Variants in PLXNA2 observed in about 807,000 individuals in gnomAD.
PLXNA2 encodes the protein plexin-A2.
In PLXNA2, 91 loss-of-function variants were observed where a neutral mutation model predicts 193.5. That is an observed-to-expected ratio of 0.47 (90% CI 0.40 to 0.56). PLXNA2 has a LOEUF of 0.56. Ranked by LOEUF, PLXNA2 falls within the 20% of genes least tolerant of loss-of-function variation. The probability of loss-of-function intolerance (pLI) is 0.00; values close to 1 mark genes in which losing one functional copy is unlikely to be tolerated. For missense variants in PLXNA2, 1,995 were observed against 2,503.2 expected (o/e 0.80, Z 4.33); for synonymous variants, 997 against 1,027.3 (o/e 0.97, Z 0.56).
At chr1:208,100,596 G>A (rs1280475486) in intron 5 of PLXNA2, among the ~76,000 whole-genome samples, 1 of 152,214 alleles carries the variant, frequency 6.6e-6, no homozygotes, top group Admixed American at 6.5e-5. Flanking sequence ...ATATGATCTT[G>A]TGGGTGGATT....
At chr1:208,069,136 A>G (rs889872797) in intron 12 of PLXNA2, among the ~76,000 whole-genome samples, 10 of 152,204 alleles carry the variant, frequency 6.6e-5, no homozygotes, top group African/African-American at 2.4e-4. Flanking sequence ...CAGGAAGACT[A>G]GGTCAGCAGG....
intron 19 of PLXNA2, 57 bp downstream of exon 19, chr1:208,045,010 G>T: frequency 6.2e-7 from 1 of 1,603,142 alleles, no homozygotes; most frequent in Non-Finnish European, 8.5e-7. Context: ...CCTTAGGACA[G>T]ATCACACATG....
rs765926049 is a variant in PLXNA2 at position 208,043,097 on chromosome 1, C to A, written c.3981G>T (p.Pro1327=). 2 of 1,614,016 alleles carry A rather than the reference C, an allele frequency of 1.2e-6. No homozygotes were observed. The highest frequency in any genetic ancestry group is 1.7e-5 in the Admixed American group (1 of 60,022). ...GCAGGACGGGGTGGTCCTCGATGCC[C>A]GGGAACAGGACTCGCATAGCGTAGG... ...YRTYAMRVLF[P]GIEDHPVLRE... is the part of the protein sequence containing the mutation. Residue 1327 remains proline (P), a synonymous_variant, in exon 21 of 32, where the codon CCG becomes CCT. Coordinates refer to ENST00000367033, the MANE Select transcript of PLXNA2 (RefSeq NM_025179.4).
intron 17 of PLXNA2, among the ~76,000 whole-genome samples, chr1:208,050,684 T>A (rs1665227560): frequency 6.6e-6 from 1 of 151,898 alleles, no homozygotes; most frequent in Non-Finnish European, 1.5e-5. Context: ...ATAATAATAA[T>A]AAACTAGCCA....
intron 3 of PLXNA2, among the ~76,000 whole-genome samples, chr1:208,155,054 C>T (rs1364964042): frequency 1.3e-5 from 2 of 152,164 alleles, no homozygotes; most frequent in Non-Finnish European, 2.9e-5. Flanking sequence ...TTAGTACCTC[C>T]TCCTCTGTCC....
At chr1:208,203,843 C>T (rs765356571) in intron 3 of PLXNA2, among the ~76,000 whole-genome samples, 11 of 152,176 alleles carry the variant, frequency 7.2e-5, no homozygotes, top group Non-Finnish European at 1.5e-4. Flanking sequence ...ACCACGGAAA[C>T]GTATCTTGTA....
intron 17 of PLXNA2, among the ~76,000 whole-genome samples, chr1:208,048,557 A>C (rs1384717893): frequency 6.6e-6 from 1 of 152,186 alleles, no homozygotes; most frequent in Non-Finnish European, 1.5e-5. Context: ...GAACATTGAG[A>C]TCATGGTGCA....
chr1:208,041,400 C>A (rs1256313757), intron 22 of PLXNA2, among the ~76,000 whole-genome samples: 2 of 152,172 alleles, frequency 1.3e-5, no homozygotes, highest in Non-Finnish European at 2.9e-5. Flanking sequence ...CAACCCTCTC[C>A]CCTGCCAGGA....
At position 208,028,204 on chromosome 1, in the gene PLXNA2, A is replaced by G. The variant is rs762926122; in HGVS notation, c.5439-45T>C. On this transcript the variant is annotated intron_variant, in intron 30 of 31. Transcript: ENST00000367033. This position sits in a 1 kb window ranked among gnomAD's most constrained non-coding sequence, Gnocchi z 4.2. ...CGCCTTGGTGGAGGCCTCAGCAAAC[A>G]TTTACCTATAGCTACCCCGGGCCCA... 3 of 1,551,188 alleles carry G rather than the reference A, an allele frequency of 1.9e-6. No individual in the cohort carries two copies. The highest frequency in any genetic ancestry group is 2.6e-6 in the Non-Finnish European group (3 of 1,145,590).
At position 208,118,581 on chromosome 1, in the gene PLXNA2, C is replaced by A. The variant is rs564835159; in HGVS notation, c.1507-15334G>T. On this transcript the variant is annotated intron_variant, in intron 4 of 31. Transcript: ENST00000367033. Reference sequence around the variant, plus strand: ...CGGGGATTAGCACTTTGCAGCCTCCCCTCACCTGGAGGTTAGTGTGGGGAC... The same window carrying A: ...CGGGGATTAGCACTTTGCAGCCTCCACTCACCTGGAGGTTAGTGTGGGGAC... 1.1e-3 allele frequency among the ~76,000 whole-genome samples: 172 copies of A among 152,254 alleles called. No individual in the cohort carries two copies. In the East Asian group the frequency reaches 0.019, roughly 17 times the overall value.
chr1:208,171,660 G>A (rs917231095), intron 3 of PLXNA2, among the ~76,000 whole-genome samples: 1 of 152,136 alleles, frequency 6.6e-6, no homozygotes, highest in African/African-American at 2.4e-5. Context: ...ACCAGTCTGG[G>A]TAACAGAGTG....
chr1:208,186,714 T>A (rs974227468), intron 3 of PLXNA2, among the ~76,000 whole-genome samples: 2 of 97,614 alleles, frequency 2.0e-5, no homozygotes, highest in African/African-American at 8.3e-5. Context: ...TGTTATTTTA[T>A]TTTTTTTTTT....
intron 3 of PLXNA2, among the ~76,000 whole-genome samples, chr1:208,189,875 C>T (rs968316476): frequency 1.3e-5 from 2 of 152,106 alleles, no homozygotes; most frequent in African/African-American, 2.4e-5. Context: ...TAAATCAGCA[C>T]GAGGAGAAGC....
chr1:208,028,219 C>G lies in PLXNA2; in HGVS notation c.5439-60G>C. ...CTCAGCAAACATTTACCTATAGCTA[C>G]CCCGGGCCCAGGTCCTTCGAGGGCA... On this transcript the variant is annotated intron_variant, in intron 30 of 31. Coordinates refer to ENST00000367033, the MANE Select transcript of PLXNA2 (RefSeq NM_025179.4). This position sits in a 1 kb window ranked among gnomAD's most constrained non-coding sequence, Gnocchi z 4.2. 3 of 1,508,156 alleles carry G rather than the reference C, an allele frequency of 2.0e-6. No homozygotes were observed. Among genetic ancestry groups the G allele is most frequent in the Non-Finnish European group, 2.7e-6 (3 of 1,118,916 alleles). The allele number at this position is 1,508,156 out of a possible 1,614,324, so 93.4% of individuals were successfully genotyped here.
chr1:208,027,128 T>G lies in PLXNA2; in HGVS notation c.*115A>C, dbSNP rs1571835661. The G allele has an allele frequency of 3.2e-6, 3 of 939,682 alleles. No homozygotes were observed. The highest frequency in any genetic ancestry group is 1.8e-5 in the Admixed American group (1 of 54,424). 58.2% of individuals were successfully genotyped at this position (939,682 alleles called of 1,614,324 possible). On this transcript the variant is annotated 3_prime_UTR_variant, in exon 32 of 32. Transcript: ENST00000367033. Reference sequence around the variant, plus strand: ...GTCCTCCCCTCTCCCCAGGATGGGGTCTCAGGGGACAGCAAGCTCTGGGGC... The same window carrying G: ...GTCCTCCCCTCTCCCCAGGATGGGGGCTCAGGGGACAGCAAGCTCTGGGGC...
chr1:208,084,767 C>T (rs571503278), intron 9 of PLXNA2, among the ~76,000 whole-genome samples, 187 bp from the exon 10 acceptor site: 41 of 152,218 alleles, frequency 2.7e-4, no homozygotes, highest in Non-Finnish European at 4.9e-4. Flanking sequence ...TTGTCATCCC[C>T]GTCCCACAAG....
intron 29 of PLXNA2, chr1:208,031,205 C>A: frequency 9.6e-7 from 1 of 1,045,746 alleles, no homozygotes; most frequent in Non-Finnish European, 1.2e-6. Flanking sequence ...GAATGCCCCA[C>A]GATGTCTGGC....
At chr1:208,132,457 C>T (rs1382495570) in intron 4 of PLXNA2, among the ~76,000 whole-genome samples, 1 of 152,102 alleles carries the variant, frequency 6.6e-6, no homozygotes, top group African/African-American at 2.4e-5. Flanking sequence ...AGCTTGGTGG[C>T]CCTGGGCAAA....
At chr1:208,233,381 A>G (rs1671751198) in intron 1 of PLXNA2, among the ~76,000 whole-genome samples, 1 of 152,154 alleles carries the variant, frequency 6.6e-6, no homozygotes, top group African/African-American at 2.4e-5. Flanking sequence ...TATGCAGACA[A>G]ATGTTGCCTC....
Sources: gnomAD v4.1 joint callset for allele counts (sites outside exome capture counted in the v4.1 genomes callset) on GRCh38, gnomAD v4.1.1 for gene constraint, Gnocchi (gnomAD v3.1) non-coding constraint, MANE v1.5 for transcripts, NCBI Gene and HGNC (gene_info 2026-07-23, HGNC 2026-07-21) for gene names.